The following PDE1A variants were observed in gnomAD, a reference collection of about 807,000 sequenced individuals.
PDE1A encodes the protein phosphodiesterase 1A, also known as dual specificity calcium/calmodulin-dependent 3',5'-cyclic nucleotide phosphodiesterase 1A.
A neutral mutation model predicts 61.7 loss-of-function variants in PDE1A; 35 were observed. The ratio of observed to expected loss-of-function variants is 0.57; its 90% confidence interval spans 0.43 to 0.75. The LOEUF (loss-of-function observed/expected upper bound fraction) is 0.75. PDE1A is among the 30% of genes least tolerant of loss of function. The probability of loss-of-function intolerance (pLI) is 0.00; values close to 1 mark genes in which losing one functional copy is unlikely to be tolerated. For synonymous variants in PDE1A, 232 were observed against 213.2 expected (o/e 1.09, Z -0.77); for missense variants, 597 against 630.6 (o/e 0.95, Z 0.57).
At chr2:182,634,478 G>C in the PDE1A span, among the ~76,000 whole-genome samples, 1 of 152,188 alleles carries the variant, frequency 6.6e-6, no homozygotes, top group Non-Finnish European at 1.5e-5. Flanking sequence ...AGAGCACACA[G>C]ACAGTTGAAA....
At chr2:182,217,773 G>A (rs1252647175) in intron 7 of PDE1A, among the ~76,000 whole-genome samples, 1 of 147,768 alleles carries the variant, frequency 6.8e-6, no homozygotes, top group East Asian at 2.1e-4. Context: ...GAAACAACAG[G>A]TGCTGGAGAG....
At chr2:182,709,987 C>T in the PDE1A span, among the ~76,000 whole-genome samples, 1 of 152,196 alleles carries the variant, frequency 6.6e-6, no homozygotes, top group African/African-American at 2.4e-5. Context: ...ACCTCCGACT[C>T]CCTGGTTCAA....
At chr2:182,291,435 C>A (rs767052697) in intron 1 of PDE1A, among the ~76,000 whole-genome samples, 4 of 152,146 alleles carry the variant, frequency 2.6e-5, no homozygotes, top group African/African-American at 7.2e-5. Flanking sequence ...CAGTATTGCA[C>A]GTAGTGCATA....
At chr2:182,339,816 C>T (rs1283989651) in intron 1 of PDE1A, among the ~76,000 whole-genome samples, 2 of 152,096 alleles carry the variant, frequency 1.3e-5, no homozygotes, top group Non-Finnish European at 2.9e-5. Flanking sequence ...AGGTCTACTC[C>T]ATGTAGATTC....
At chr2:182,599,864 T>C in the PDE1A span, among the ~76,000 whole-genome samples, 91 of 152,332 alleles carry the variant, frequency 6.0e-4, no homozygotes, top group Non-Finnish European at 1.0e-3. Flanking sequence ...TCTGATTAGA[T>C]TGCTAAATAA....
chr2:182,200,000 C>T (rs144501979), intron 10 of PDE1A, among the ~76,000 whole-genome samples: 2,266 of 151,976 alleles, frequency 0.015, 32 homozygotes, highest in South Asian at 0.055. Context: ...GAGACAGAAA[C>T]GTGAGTCATC....
At chr2:182,454,119 G>A (rs1294089931) in intron 2 of PDE1A, among the ~76,000 whole-genome samples, 3 of 151,804 alleles carry the variant, frequency 2.0e-5, no homozygotes, top group Non-Finnish European at 4.4e-5. Context: ...TCTTATACAC[G>A]AATAACAGAC....
chr2:182,224,895 A>T (rs1486714908), intron 6 of PDE1A, among the ~76,000 whole-genome samples: 1 of 151,954 alleles, frequency 6.6e-6, no homozygotes, highest in Non-Finnish European at 1.5e-5. Flanking sequence ...ACTAGAGAAC[A>T]CTATAAATAG....
the PDE1A span, among the ~76,000 whole-genome samples, chr2:182,558,451 A>G: frequency 6.6e-6 from 1 of 152,204 alleles, no homozygotes; most frequent in Non-Finnish European, 1.5e-5. Context: ...AATATAAAAT[A>G]AAACAAAATT....
intron 1 of PDE1A, among the ~76,000 whole-genome samples, chr2:182,382,305 T>C (rs546246772): frequency 2.0e-4 from 30 of 152,208 alleles, no homozygotes; most frequent in African/African-American, 7.2e-4. Flanking sequence ...CTAGAGAACG[T>C]TTTGACAAAT....
exon 3 of PDE1A, chr2:182,240,235 A>C: frequency 6.2e-7 from 1 of 1,613,236 alleles, no homozygotes; most frequent in Non-Finnish European, 8.5e-7. Flanking sequence ...CCCGGACTTC[A>C]GATGGGACTG....
intron 2 of PDE1A, among the ~76,000 whole-genome samples, chr2:182,481,241 T>G (rs112632903): frequency 0.011 from 1,623 of 151,910 alleles, 11 homozygotes; most frequent in East Asian, 0.024. Flanking sequence ...CTAGGGACAA[T>G]TGTAAAAAAG....
At chr2:182,328,193 A>C (rs1121403) in intron 1 of PDE1A, among the ~76,000 whole-genome samples, 34,204 of 152,176 alleles carry the variant, frequency 0.22, 4,477 homozygotes, top group East Asian at 0.57. Context: ...GAGAGTATTT[A>C]AGCCTGTAGC....
At chr2:182,448,577 C>G (rs551862005) in intron 2 of PDE1A, among the ~76,000 whole-genome samples, 2 of 152,150 alleles carry the variant, frequency 1.3e-5, no homozygotes, top group Admixed American at 1.3e-4. Flanking sequence ...ACTTCAAAGG[C>G]ATTCCAAAAC....
chr2:182,284,996 C>T (rs1214645144), intron 1 of PDE1A, among the ~76,000 whole-genome samples: 2 of 152,074 alleles, frequency 1.3e-5, no homozygotes, highest in Non-Finnish European at 2.9e-5. Context: ...AACCAATGCA[C>T]GAGTTAGCTT....
chr2:182,229,591 C>T (rs1398492080), intron 6 of PDE1A, among the ~76,000 whole-genome samples: 3 of 152,072 alleles, frequency 2.0e-5, no homozygotes, highest in Non-Finnish European at 4.4e-5. Flanking sequence ...TAGAATTTGA[C>T]TGTGATTAGT....
chr2:182,522,105 C>CA (rs748405352), intron 2 of PDE1A, among the ~76,000 whole-genome samples: 13 of 152,128 alleles, frequency 8.5e-5, no homozygotes, highest in African/African-American at 2.6e-4. Context: ...TGTGCAAGTA[C>CA]AAAAAATCAT....
At chr2:182,684,123 C>CAA in the PDE1A span, among the ~76,000 whole-genome samples, 14 of 52,034 alleles carry the variant, frequency 2.7e-4, no homozygotes, top group African/African-American at 4.4e-4. Context: ...AACTCCATCT[C>CAA]AAAAAAAAAA....
At chr2:182,459,287 A>C (rs1686121753) in intron 2 of PDE1A, among the ~76,000 whole-genome samples, 2 of 152,086 alleles carry the variant, frequency 1.3e-5, no homozygotes, top group South Asian at 4.1e-4. Context: ...AGTTCAGAGA[A>C]CCTATAAAAT....
Sources: allele counts gnomAD v4.1 joint callset (sites outside exome capture counted in the v4.1 genomes callset), GRCh38; gene constraint gnomAD v4.1.1; transcripts MANE v1.5; gene names NCBI Gene and HGNC (gene_info 2026-07-23, HGNC 2026-07-21).